CNTNAP2: variants seen among roughly 807,000 people sequenced by gnomAD.
CNTNAP2 encodes the protein contactin-associated protein-like 2.
A neutral mutation model predicts 155.2 loss-of-function variants in CNTNAP2; 98 were observed. That is an observed-to-expected ratio of 0.63 (90% CI 0.54 to 0.75). The LOEUF is 0.75. Ranked by LOEUF, CNTNAP2 falls within the 30% of genes least tolerant of loss-of-function variation. The pLI, the probability that CNTNAP2 is intolerant of heterozygous loss-of-function variation, is 0.00. For synonymous variants in CNTNAP2, 651 were observed against 631.2 expected, an observed-to-expected ratio of 1.03 and a Z score of -0.47; for missense variants, 1,727 against 1,688.1, an observed-to-expected ratio of 1.02 and a Z score of -0.40.
At chr7:148,415,395 G>T in intron 23 of CNTNAP2, 22 bp from the exon 24 acceptor site, 1 of 1,611,130 alleles carries the variant, frequency 6.2e-7, no homozygotes, top group South Asian at 1.1e-5. Context: ...CTAACCTCTC[G>T]TGCTTCTCCT....
chr7:146,394,460 T>G (rs977131993), intron 1 of CNTNAP2, among the ~76,000 whole-genome samples: 1 of 151,704 alleles, frequency 6.6e-6, no homozygotes, highest in Non-Finnish European at 1.5e-5. Flanking sequence ...TTTATAAATA[T>G]AGAGTCTTTT....
chr7:146,793,325 T>C (rs145762512), intron 2 of CNTNAP2, among the ~76,000 whole-genome samples: 2 of 152,188 alleles, frequency 1.3e-5, no homozygotes, highest in Non-Finnish European at 2.9e-5. Flanking sequence ...TAAAATAAAA[T>C]AGCAAATTTA....
intron 3 of CNTNAP2, among the ~76,000 whole-genome samples, chr7:146,929,222 G>A (rs1796688679): frequency 6.6e-6 from 1 of 152,112 alleles, no homozygotes; most frequent in Admixed American, 6.6e-5. Context: ...ACACGGCCGG[G>A]TACTCCTCTG....
chr7:147,212,071 G>A (rs1409679188), intron 8 of CNTNAP2, among the ~76,000 whole-genome samples: 4 of 152,056 alleles, frequency 2.6e-5, no homozygotes, highest in Non-Finnish European at 4.4e-5. Context: ...AAGTCAGAAT[G>A]GCTAATATTA....
intron 1 of CNTNAP2, among the ~76,000 whole-genome samples, chr7:146,550,429 T>TA (rs1798104267): frequency 3.7e-5 from 5 of 136,300 alleles, no homozygotes; most frequent in Non-Finnish European, 7.9e-5. Context: ...TTTTTTTTTT[T>TA]ATAAAGTACC....
intron 8 of CNTNAP2, among the ~76,000 whole-genome samples, chr7:147,264,176 A>G (rs1804555293): frequency 6.6e-6 from 1 of 152,194 alleles, no homozygotes; most frequent in Admixed American, 6.5e-5. Context: ...ACGCATGAAA[A>G]ATGATTACTC....
intron 13 of CNTNAP2, among the ~76,000 whole-genome samples, chr7:147,640,686 A>G (rs928216235): frequency 6.6e-6 from 1 of 152,174 alleles, no homozygotes; most frequent in Non-Finnish European, 1.5e-5. Context: ...ATAAAACGAC[A>G]TGGACATACG....
intron 15 of CNTNAP2, among the ~76,000 whole-genome samples, chr7:148,015,393 G>C (rs571442906): frequency 3.9e-5 from 6 of 152,196 alleles, no homozygotes; most frequent in Non-Finnish European, 8.8e-5. Context: ...CTCTCCTGCA[G>C]TGAAGGCCGC....
At chr7:146,157,003 C>T (rs567748214) in intron 1 of CNTNAP2, among the ~76,000 whole-genome samples, 1 of 152,098 alleles carries the variant, frequency 6.6e-6, no homozygotes, top group East Asian at 1.9e-4. Flanking sequence ...CAGGCACAGA[C>T]AGGTTGGAGG....
At chr7:147,254,595 TTAATA>T (rs1430408461) in intron 8 of CNTNAP2, among the ~76,000 whole-genome samples, 1 of 152,170 alleles carries the variant, frequency 6.6e-6, no homozygotes, top group Non-Finnish European at 1.5e-5. Context: ...GTGTCAAAGT[TTAATA>T]TAACCATATG....
chr7:147,701,946 C>T (rs1584908046), intron 13 of CNTNAP2, among the ~76,000 whole-genome samples: 1 of 152,054 alleles, frequency 6.6e-6, no homozygotes, highest in Non-Finnish European at 1.5e-5. Context: ...TCTCTAACTG[C>T]CTGCATGAAT....
At chr7:146,638,676 G>A (rs1352576099) in intron 1 of CNTNAP2, among the ~76,000 whole-genome samples, 3 of 150,442 alleles carry the variant, frequency 2.0e-5, no homozygotes, top group South Asian at 4.2e-4. Context: ...TAGTAGAGAC[G>A]GGGTTTCACC....
intron 15 of CNTNAP2, among the ~76,000 whole-genome samples, chr7:147,991,370 G>GC (rs58455231): frequency 1 from 152,313 of 152,314 alleles, 76,156 homozygotes; most frequent in Non-Finnish European, 1. Context: ...TGGAGGCAGT[G>GC]CATGAGGCAC....
chr7:146,474,005 C>A (rs1467504212), intron 1 of CNTNAP2, among the ~76,000 whole-genome samples: 1 of 152,044 alleles, frequency 6.6e-6, no homozygotes, highest in African/African-American at 2.4e-5. Context: ...GGGTGGATGG[C>A]CGAGGTCATT....
chr7:147,451,447 T>C (rs1304645053), intron 10 of CNTNAP2, among the ~76,000 whole-genome samples: 1 of 152,178 alleles, frequency 6.6e-6, no homozygotes, highest in Non-Finnish European at 1.5e-5. Context: ...GGTGTAGTTA[T>C]CTTACTGCTC....
intron 4 of CNTNAP2, among the ~76,000 whole-genome samples, chr7:147,069,939 C>T (rs1346365735): frequency 6.6e-6 from 1 of 152,158 alleles, no homozygotes; most frequent in East Asian, 1.9e-4. Context: ...GGGATAGTGG[C>T]TGCAGTATTA....
chr7:147,834,317 G>A (rs1278897716), intron 13 of CNTNAP2, among the ~76,000 whole-genome samples: 1 of 152,170 alleles, frequency 6.6e-6, no homozygotes, highest in African/African-American at 2.4e-5. Context: ...AATTCCTGCT[G>A]CTGGCTAAAT....
intron 1 of CNTNAP2, among the ~76,000 whole-genome samples, chr7:146,382,835 A>G (rs1358661249): frequency 6.6e-6 from 1 of 152,202 alleles, no homozygotes; most frequent in Non-Finnish European, 1.5e-5. Flanking sequence ...AATGTATTCT[A>G]TAGCCAAATG....
intron 1 of CNTNAP2, among the ~76,000 whole-genome samples, chr7:146,253,418 C>T (rs74890407): frequency 0.047 from 7,088 of 152,316 alleles, 244 homozygotes; most frequent in Non-Finnish European, 0.069. Context: ...CACACTGCAG[C>T]GATCACATAC....
Sources: gnomAD v4.1 joint callset for allele counts (sites outside exome capture counted in the v4.1 genomes callset) on GRCh38, gnomAD v4.1.1 for gene constraint, MANE v1.5 for transcripts, NCBI Gene and HGNC (gene_info 2026-07-23, HGNC 2026-07-21) for gene names.